The following RABEP1 variants were observed in gnomAD, a reference collection of about 807,000 sequenced individuals.
The protein encoded by RABEP1 is rabaptin, RAB GTPase binding effector protein 1, also known as rab GTPase-binding effector protein 1.
A neutral mutation model predicts 123.4 loss-of-function variants in RABEP1; 51 were observed. That is an observed-to-expected ratio of 0.41 (90% confidence interval 0.33 to 0.52). RABEP1 has a LOEUF of 0.52. Ranked by LOEUF, RABEP1 falls within the 20% of genes least tolerant of loss-of-function variation. The pLI is 0.16. For synonymous variants in RABEP1, 347 were observed against 355.2 expected, an observed-to-expected ratio of 0.98 and a Z score of 0.26; for missense variants, 888 against 996.3, an observed-to-expected ratio of 0.89 and a Z score of 1.46.
chr17:5,346,311 G>GT (rs751904981), intron 5 of RABEP1, among the ~76,000 whole-genome samples: 2 of 152,186 alleles, frequency 1.3e-5, no homozygotes, highest in Non-Finnish European at 2.9e-5. Context: ...ATGAGTATAT[G>GT]TATCTGTGAA....
chr17:5,333,466 T>A (rs1906760087), intron 3 of RABEP1, among the ~76,000 whole-genome samples: 1 of 152,134 alleles, frequency 6.6e-6, no homozygotes. Context: ...TTGGCCCAGA[T>A]TAGTTAATAT....
intron 7 of RABEP1, among the ~76,000 whole-genome samples, chr17:5,351,575 C>T (rs954875580): frequency 7.9e-5 from 12 of 152,126 alleles, no homozygotes; most frequent in African/African-American, 2.2e-4. Flanking sequence ...GCAGGAGGAT[C>T]GCTTGAGCCC....
chr17:5,380,048 A>G (rs1038345814), intron 15 of RABEP1, among the ~76,000 whole-genome samples: 1 of 152,202 alleles, frequency 6.6e-6, no homozygotes, highest in African/African-American at 2.4e-5. Context: ...GTAGGAGTCA[A>G]ATGTCATCTC....
intron 8 of RABEP1, among the ~76,000 whole-genome samples, chr17:5,358,455 G>A (rs569707014): frequency 3.3e-5 from 5 of 152,112 alleles, no homozygotes; most frequent in South Asian, 4.2e-4. Context: ...CGGATCATTC[G>A]AGGCCAGGAG....
intron 2 of RABEP1, among the ~76,000 whole-genome samples, chr17:5,320,097 G>A (rs1241683900): frequency 1.3e-5 from 2 of 152,070 alleles, no homozygotes; most frequent in Non-Finnish European, 2.9e-5. Flanking sequence ...ACTCTCAGTG[G>A]TCAAGGACAA....
At chr17:5,364,077 C>T (rs1244612580) in intron 10 of RABEP1, among the ~76,000 whole-genome samples, 2 of 152,164 alleles carry the variant, frequency 1.3e-5, no homozygotes, top group African/African-American at 4.8e-5. Flanking sequence ...TATTGAGTTC[C>T]TTCATACACT....
intron 1 of RABEP1, among the ~76,000 whole-genome samples, chr17:5,300,101 G>T (rs953612608): frequency 6.6e-6 from 1 of 152,148 alleles, no homozygotes; most frequent in Admixed American, 6.6e-5. Flanking sequence ...TAGGAGATAT[G>T]ACTGGGTCTT....
At chr17:5,328,907 C>T (rs112572092) in intron 2 of RABEP1, among the ~76,000 whole-genome samples, 20,383 of 150,902 alleles carry the variant, frequency 0.14, 1,427 homozygotes, top group East Asian at 0.17. Flanking sequence ...TGCACTCCAG[C>T]CTGGGCGACA....
At chr17:5,282,592 G>C in intron 1 of RABEP1, 72 bp downstream of exon 1, 1 of 1,042,682 alleles carries the variant, frequency 9.6e-7, no homozygotes, top group Non-Finnish European at 1.2e-6. Context: ...GGATTTCGGG[G>C]CGGGCAGGCG....
At chr17:5,295,847 A>C (rs1162823217) in intron 1 of RABEP1, among the ~76,000 whole-genome samples, 2 of 152,118 alleles carry the variant, frequency 1.3e-5, no homozygotes, top group Admixed American at 1.3e-4. Flanking sequence ...TGTTTGCCAC[A>C]TCATTATTTT....
intron 6 of RABEP1, among the ~76,000 whole-genome samples, chr17:5,348,920 G>A (rs749314550): frequency 9.2e-5 from 14 of 152,076 alleles, no homozygotes; most frequent in Non-Finnish European, 1.5e-4. Context: ...AAGTTCACTC[G>A]TTAAAGTATA....
At position 5,383,395 on chromosome 17, in the gene RABEP1, A is replaced by G. The variant is rs1361922485; in HGVS notation, c.*172A>G. 267 of 611,882 alleles carry G rather than the reference A, an allele frequency of 4.4e-4. No homozygotes were observed. Among genetic ancestry groups the G allele is most frequent in the Non-Finnish European group, 1.4e-4 (48 of 348,548 alleles). 37.9% of individuals were successfully genotyped at this position (611,882 alleles called of 1,614,324 possible). A position where few individuals can be genotyped will look rare whatever the true frequency, so the allele number is the denominator to read the frequency against. On this transcript the variant is annotated 3_prime_UTR_variant, in exon 18 of 18. Coordinates refer to ENST00000537505, the MANE Select transcript of RABEP1 (RefSeq NM_004703.6). ...CTGTGCGGCACAGGAAACAGCAAAC[A>G]GTGGGGTGATCTGCAGCCCAGAGAC...
intron 12 of RABEP1, 116 bp from the exon 13 acceptor site, chr17:5,373,198 A>G (rs1465811506): frequency 1.1e-6 from 1 of 910,902 alleles, no homozygotes. Flanking sequence ...GCAGAACTTC[A>G]CCATACCCCG....
intron 1 of RABEP1, among the ~76,000 whole-genome samples, chr17:5,296,490 A>G (rs956123185): frequency 2.0e-5 from 3 of 151,994 alleles, no homozygotes; most frequent in African/African-American, 7.3e-5. Context: ...CAAACTCCCA[A>G]CCTCAGGTAA....
chr17:5,338,192 C>T, intron 5 of RABEP1, 54 bp downstream of exon 5: 1 of 1,531,198 alleles, frequency 6.5e-7, no homozygotes, highest in Non-Finnish European at 8.9e-7. Context: ...GCCCCAATGC[C>T]ATGAACAAAA....
chr17:5,302,081 G>A (rs960161145), intron 1 of RABEP1, among the ~76,000 whole-genome samples: 6 of 152,056 alleles, frequency 3.9e-5, no homozygotes, highest in African/African-American at 1.4e-4. Context: ...AGTTTGAAGG[G>A]TGAGCAACTT....
chr17:5,343,043 T>C (rs569394519), intron 5 of RABEP1, among the ~76,000 whole-genome samples: 1 of 152,142 alleles, frequency 6.6e-6, no homozygotes, highest in Non-Finnish European at 1.5e-5. Flanking sequence ...GTGGGTCACC[T>C]GAGGTCAGGA....
intron 13 of RABEP1, 75 bp downstream of exon 13, chr17:5,373,529 C>G: frequency 7.0e-7 from 1 of 1,426,506 alleles, no homozygotes; most frequent in Non-Finnish European, 9.4e-7. Context: ...TTTATGTAAA[C>G]AGTTTTATTC....
At position 5,383,384 on chromosome 17, in the gene RABEP1, A is replaced by G. The variant is rs1422254576; in HGVS notation, c.*161A>G. ...GAGGGAGAAGACTGTGCGGCACAGGAAACAGCAAACAGTGGGGTGATCTGC... is the reference window on the plus strand; with the variant it reads ...GAGGGAGAAGACTGTGCGGCACAGGGAACAGCAAACAGTGGGGTGATCTGC... On this transcript the variant is annotated 3_prime_UTR_variant, in exon 18 of 18. Coordinates refer to ENST00000537505, the MANE Select transcript of RABEP1 (RefSeq NM_004703.6). 6.4e-6 allele frequency: 4 copies of G among 624,684 alleles called. No individual in the cohort carries two copies. Among genetic ancestry groups the G allele is most frequent in the African/African-American group, 1.8e-5 (1 of 54,500 alleles). The allele number at this position is 624,684 out of a possible 1,614,324, so 38.7% of individuals were successfully genotyped here.
Sources: allele counts gnomAD v4.1 joint callset (sites outside exome capture counted in the v4.1 genomes callset), GRCh38; gene constraint gnomAD v4.1.1; transcripts MANE v1.5; gene names NCBI Gene and HGNC (gene_info 2026-07-23, HGNC 2026-07-21).